The following DLG1 variants were observed in gnomAD, a reference collection of about 807,000 sequenced individuals.
DLG1 encodes discs large MAGUK scaffold protein 1, also known as disks large homolog 1.
Under a neutral mutation model 123.4 loss-of-function variants are expected in DLG1, and 42 were observed. The ratio of observed to expected loss-of-function variants is 0.34; its 90% CI spans 0.27 to 0.44. The LOEUF is 0.44. DLG1 is among the 20% of genes least tolerant of loss of function. DLG1 has a pLI of 1.00. For synonymous variants in DLG1, 317 were observed against 356.2 expected, an observed-to-expected ratio of 0.89 and a Z score of 1.24; for missense variants, 942 against 1,082.6, an observed-to-expected ratio of 0.87 and a Z score of 1.82.
intron 13 of DLG1, among the ~76,000 whole-genome samples, chr3:197,114,561 A>G (rs1771972381): frequency 6.6e-6 from 1 of 152,272 alleles, no homozygotes; most frequent in African/African-American, 2.4e-5. Context: ...TTAAGGAACC[A>G]TTGCTGAAAG....
At chr3:197,055,563 C>A (rs768512337) in intron 23 of DLG1, among the ~76,000 whole-genome samples, 12 of 152,058 alleles carry the variant, frequency 7.9e-5, no homozygotes, top group Non-Finnish European at 1.6e-4. Context: ...CAGGAATCAG[C>A]CTGAGGTGTA....
intron 4 of DLG1, among the ~76,000 whole-genome samples, chr3:197,278,347 G>T (rs1767557255): frequency 7.3e-6 from 1 of 136,768 alleles, no homozygotes; most frequent in African/African-American, 2.7e-5. Context: ...GTGCACACAT[G>T]TAGGCCCAGC....
At chr3:197,112,150 TA>T (rs1302593421) in intron 13 of DLG1, among the ~76,000 whole-genome samples, 1 of 152,238 alleles carries the variant, frequency 6.6e-6, no homozygotes, top group African/African-American at 2.4e-5. Context: ...TGAATGTTGT[TA>T]TTTTTTTCTT....
intron 18 of DLG1, among the ~76,000 whole-genome samples, chr3:197,072,762 G>A (rs552979219): frequency 6.6e-6 from 1 of 151,480 alleles, no homozygotes; most frequent in South Asian, 2.1e-4. Context: ...GCGTGATCTC[G>A]GCTTACTGCA....
chr3:197,100,524 G>A (rs894822122), intron 14 of DLG1, among the ~76,000 whole-genome samples: 3 of 151,922 alleles, frequency 2.0e-5, no homozygotes, highest in African/African-American at 7.3e-5. Flanking sequence ...TTTCTTTTAT[G>A]GTATTATTAC....
At chr3:197,269,126 A>G (rs946406777) in intron 4 of DLG1, among the ~76,000 whole-genome samples, 1 of 152,168 alleles carries the variant, frequency 6.6e-6, no homozygotes, top group Non-Finnish European at 1.5e-5. Context: ...AATAACTACT[A>G]AAAGTACAGT....
At chr3:197,264,691 T>C (rs916485078) in intron 4 of DLG1, among the ~76,000 whole-genome samples, 1 of 152,148 alleles carries the variant, frequency 6.6e-6, no homozygotes, top group Non-Finnish European at 1.5e-5. Flanking sequence ...CCTCCCAAAG[T>C]GCTGGGATTA....
At chr3:197,276,767 T>C (rs961523029) in intron 4 of DLG1, among the ~76,000 whole-genome samples, 9 of 152,172 alleles carry the variant, frequency 5.9e-5, no homozygotes, top group African/African-American at 1.7e-4. Context: ...GAAGTCAAAG[T>C]CCACAAAGAA....
intron 11 of DLG1, among the ~76,000 whole-genome samples, chr3:197,120,459 G>C (rs1416442242): frequency 4.6e-5 from 7 of 152,114 alleles, no homozygotes; most frequent in African/African-American, 1.4e-4. Context: ...TAAGACACTT[G>C]AATTATTCCA....
chr3:197,083,418 C>T (rs901120263), intron 16 of DLG1, among the ~76,000 whole-genome samples: 2 of 152,152 alleles, frequency 1.3e-5, no homozygotes, highest in Non-Finnish European at 1.5e-5. Context: ...CTTACTACTA[C>T]TACTTTAAAA....
At chr3:197,059,845 C>G in intron 23 of DLG1, 44 bp downstream of exon 23, 1 of 1,333,984 alleles carries the variant, frequency 7.5e-7, no homozygotes, top group Non-Finnish European at 1.1e-6. Flanking sequence ...CCTACAGTGA[C>G]TGAATTTGTA....
At chr3:197,213,356 G>A (rs1008206349) in intron 4 of DLG1, among the ~76,000 whole-genome samples, 1 of 152,130 alleles carries the variant, frequency 6.6e-6, no homozygotes, top group Non-Finnish European at 1.5e-5. Context: ...GTTTGAAAAT[G>A]TAAAATAATT....
chr3:197,109,228 A>T (rs11921123), intron 13 of DLG1, among the ~76,000 whole-genome samples: 28 of 152,032 alleles, frequency 1.8e-4, no homozygotes, highest in African/African-American at 6.3e-4. Flanking sequence ...CAATTCAGCC[A>T]GGTGTAGTGG....
intron 10 of DLG1, among the ~76,000 whole-genome samples, chr3:197,135,267 T>C (rs1213757535): frequency 6.6e-6 from 1 of 152,226 alleles, no homozygotes; most frequent in Non-Finnish European, 1.5e-5. Flanking sequence ...CACCCAAATG[T>C]CATCCTGAAT....
chr3:197,098,495 A>G (rs1761833153), intron 14 of DLG1, among the ~76,000 whole-genome samples: 1 of 152,178 alleles, frequency 6.6e-6, no homozygotes, highest in African/African-American at 2.4e-5. Context: ...TTTGTGATCT[A>G]TTTCTTTCAC....
chr3:197,288,597 T>C (rs1773072341), intron 3 of DLG1, among the ~76,000 whole-genome samples: 1 of 151,066 alleles, frequency 6.6e-6, no homozygotes, highest in African/African-American at 2.4e-5. Flanking sequence ...GGCACATGCC[T>C]GTAATCCCAG....
At chr3:197,250,811 T>C (rs112785801) in intron 4 of DLG1, among the ~76,000 whole-genome samples, 2,431 of 151,500 alleles carry the variant, frequency 0.016, 68 homozygotes, top group African/African-American at 0.054. Flanking sequence ...CTGGACAACA[T>C]AGTGAAACCC....
Position 197,090,982 on chromosome 3 carries a change from T to C in DLG1, c.1591A>G (p.Met531Val). ...CCTGAACTAATACTACTATTCATCA[T>C]CTGCTCCCGTAAATCATGTATTTTA... Reference protein sequence around the residue: ...EAKIHDLREQMMNSSISSGSG... With the variant: ...EAKIHDLREQVMNSSISSGSG... The change falls in exon 15 of 25, where the codon ATG (methionine) becomes GTG (valine). Residue 531 changes from methionine to valine, a missense_variant. Met to Val is a conservative substitution (Grantham distance 21). Transcript: ENST00000667157. 1 of 1,612,524 alleles carries C rather than the reference T, an allele frequency of 6.2e-7. No individual in the cohort carries two copies. Among genetic ancestry groups the C allele is most frequent in the South Asian group, 1.1e-5 (1 of 90,944 alleles).
chr3:197,217,885 A>G (rs1014590878), intron 4 of DLG1, among the ~76,000 whole-genome samples: 14 of 149,236 alleles, frequency 9.4e-5, no homozygotes, highest in African/African-American at 3.6e-4. Context: ...ACAGGTGTAC[A>G]CAGATGTCAA....
Sources: allele counts gnomAD v4.1 joint callset (sites outside exome capture counted in the v4.1 genomes callset), GRCh38; gene constraint gnomAD v4.1.1; transcripts MANE v1.5; gene names NCBI Gene and HGNC (gene_info 2026-07-23, HGNC 2026-07-21).